Variants in PDE3A observed in about 807,000 individuals in gnomAD.
The protein encoded by PDE3A is phosphodiesterase 3A.
In PDE3A, 43 loss-of-function variants were observed where a neutral mutation model predicts 98.3. That is an observed-to-expected ratio of 0.44 (90% confidence interval 0.34 to 0.56). The LOEUF (loss-of-function observed/expected upper bound fraction) is 0.56. Ranked by LOEUF, PDE3A falls within the 20% of genes least tolerant of loss-of-function variation. The pLI, the probability that PDE3A is intolerant of heterozygous loss-of-function variation, is 0.01. For missense variants in PDE3A, 1,427 were observed against 1,440.7 expected, an observed-to-expected ratio of 0.99 and a Z score of 0.15; for synonymous variants, 663 against 567.9, an observed-to-expected ratio of 1.17 and a Z score of -2.38.
chr12:20,387,728 A>G (rs1458006291), intron 1 of PDE3A, among the ~76,000 whole-genome samples: 1 of 152,068 alleles, frequency 6.6e-6, no homozygotes, highest in Non-Finnish European at 1.5e-5. Context: ...GGAGTTTGCT[A>G]ATTCTACATT....
intron 1 of PDE3A, among the ~76,000 whole-genome samples, chr12:20,513,128 C>T (rs917415705): frequency 3.9e-5 from 6 of 152,018 alleles, no homozygotes; most frequent in South Asian, 2.1e-4. Flanking sequence ...CTCAGTCTTT[C>T]GTGTTTTACA....
chr12:20,403,740 A>T (rs1200540049), intron 1 of PDE3A, among the ~76,000 whole-genome samples: 6 of 152,128 alleles, frequency 3.9e-5, no homozygotes, highest in Non-Finnish European at 7.4e-5. Flanking sequence ...TTTTTATTTC[A>T]GGGCTATTTC....
chr12:20,453,495 A>T (rs1456853453), intron 1 of PDE3A, among the ~76,000 whole-genome samples: 1 of 152,144 alleles, frequency 6.6e-6, no homozygotes, highest in Non-Finnish European at 1.5e-5. Flanking sequence ...TTGATAATGT[A>T]GAAGTCATTT....
In PDE3A at chr12:20,630,018, G is replaced by A; in HGVS notation, c.1651G>A (p.Ala551Thr). The A allele has an allele frequency of 6.2e-7, 1 of 1,613,932 alleles. No homozygotes were observed. Among genetic ancestry groups the A allele is most frequent in the Non-Finnish European group, 8.5e-7 (1 of 1,179,870 alleles). ...KISAVQFPES[A>T]DTTAKQSLGS... ...TTCTGCAGTGCAGTTTCCAGAATCT[G>A]CTGACACAACTGCCAAACAAAGCCT... is the stretch of plus-strand genomic sequence containing the variant. Residue 551 changes from alanine to threonine, a missense_variant, in exon 6 of 16, where the codon GCT becomes ACT. Transcript: ENST00000359062.
chr12:20,614,783 A>G (rs974348951), intron 3 of PDE3A, among the ~76,000 whole-genome samples: 2 of 152,204 alleles, frequency 1.3e-5, no homozygotes, highest in Non-Finnish European at 2.9e-5. Flanking sequence ...ATTTAATATC[A>G]GAGCTATTCT....
chr12:20,429,189 T>C (rs1396413552), intron 1 of PDE3A, among the ~76,000 whole-genome samples: 2 of 152,210 alleles, frequency 1.3e-5, no homozygotes, highest in Non-Finnish European at 2.9e-5. Context: ...ATACATAACA[T>C]AGTGAATTGC....
intron 2 of PDE3A, among the ~76,000 whole-genome samples, chr12:20,601,633 A>G (rs1430490645): frequency 6.6e-6 from 1 of 152,204 alleles, no homozygotes; most frequent in Non-Finnish European, 1.5e-5. Flanking sequence ...CGTAACAACT[A>G]AAATGTTTGC....
intron 2 of PDE3A, among the ~76,000 whole-genome samples, chr12:20,579,532 A>G (rs930848800): frequency 2.0e-5 from 3 of 152,150 alleles, no homozygotes; most frequent in Non-Finnish European, 4.4e-5. Context: ...GTAGAGCTAC[A>G]AGTCCATTAG....
At chr12:20,627,751 A>G (rs1944298522) in intron 5 of PDE3A, among the ~76,000 whole-genome samples, 2 of 152,126 alleles carry the variant, frequency 1.3e-5, no homozygotes, top group African/African-American at 2.4e-5. Flanking sequence ...GCTCCATTAG[A>G]GCAGGGTTTT....
At chr12:20,601,246 G>A (rs1471462735) in intron 2 of PDE3A, among the ~76,000 whole-genome samples, 2 of 152,014 alleles carry the variant, frequency 1.3e-5, no homozygotes. Context: ...TTGTTTGTTT[G>A]TTTGTTTGTT....
At chr12:20,551,994 C>A (rs187584580) in intron 1 of PDE3A, 2 of 1,612,480 alleles carry the variant, frequency 1.2e-6, no homozygotes, top group Admixed American at 1.7e-5. Context: ...GGAGCAACGA[C>A]GGAGCGTACT....
intron 15 of PDE3A, among the ~76,000 whole-genome samples, chr12:20,675,105 G>T (rs1945599435): frequency 1.3e-5 from 2 of 151,670 alleles, no homozygotes; most frequent in Non-Finnish European, 2.9e-5. Context: ...CTACTACTTT[G>T]TGTTGTTTCC....
intron 1 of PDE3A, among the ~76,000 whole-genome samples, chr12:20,376,127 CTGAT>C (rs1185353583): frequency 6.6e-6 from 1 of 151,826 alleles, no homozygotes; most frequent in Non-Finnish European, 1.5e-5. Flanking sequence ...AAATAGTACA[CTGAT>C]TGATTGTATT....
chr12:20,650,097 G>C lies in PDE3A; in HGVS notation c.2770-348G>C, dbSNP rs115147673. Among the ~76,000 whole-genome samples, 560 of 152,170 alleles carry C rather than the reference G, an allele frequency of 3.7e-3. 4 individuals carry two copies. Among genetic ancestry groups the C allele is most frequent in the African/African-American group, 0.013 (525 of 41,506 alleles). Reference sequence around the variant, plus strand: ...TATAATGTATAATAATCACAACAGAGTAAATGGGGTATCTGTCACCTCAAA... The same window carrying C: ...TATAATGTATAATAATCACAACAGACTAAATGGGGTATCTGTCACCTCAAA... On this transcript the variant is annotated intron_variant, in intron 13 of 15. Transcript: ENST00000359062.
chr12:20,660,974 A>G (rs1354655179), intron 15 of PDE3A, among the ~76,000 whole-genome samples: 1 of 152,210 alleles, frequency 6.6e-6, no homozygotes, highest in African/African-American at 2.4e-5. Context: ...GGCTCAGAAG[A>G]AAAAAGAAAA....
At chr12:20,548,948 A>G (rs575370129) in intron 1 of PDE3A, among the ~76,000 whole-genome samples, 1 of 152,136 alleles carries the variant, frequency 6.6e-6, no homozygotes, top group Non-Finnish European at 1.5e-5. Flanking sequence ...CTTCTTTACT[A>G]TTTATTGTGA....
At chr12:20,640,067 G>A (rs554912247) in intron 10 of PDE3A, 110 bp downstream of exon 10, 9 of 583,472 alleles carry the variant, frequency 1.5e-5, no homozygotes, top group South Asian at 5.7e-5. Context: ...CATGGTAGAC[G>A]CTCAATATGG....
At chr12:20,631,012 G>A (rs1054936240) in intron 6 of PDE3A, among the ~76,000 whole-genome samples, 3 of 151,988 alleles carry the variant, frequency 2.0e-5, no homozygotes, top group Admixed American at 2.0e-4. Context: ...TTAAGAAATA[G>A]CAACTTATAT....
chr12:20,403,634 CA>C (rs145100330), intron 1 of PDE3A, among the ~76,000 whole-genome samples: 1,637 of 152,204 alleles, frequency 0.011, 22 homozygotes, highest in African/African-American at 0.037. Flanking sequence ...AGTCATTTAA[CA>C]TCAGAATGTG....
Sources: gnomAD v4.1 joint callset for allele counts (sites outside exome capture counted in the v4.1 genomes callset) on GRCh38, gnomAD v4.1.1 for gene constraint, MANE v1.5 for transcripts, NCBI Gene and HGNC (gene_info 2026-07-23, HGNC 2026-07-21) for gene names.